Variants in PCSK2 observed in about 807,000 individuals in gnomAD.
PCSK2 encodes the protein neuroendocrine convertase 2.
PCSK2 carries 14 observed loss-of-function variants against 69.7 expected under a neutral mutation model. The observed-to-expected ratio is 0.20, with a 90% confidence interval of 0.13 to 0.31. PCSK2 has a LOEUF of 0.31. PCSK2 is among the 10% of genes least tolerant of loss of function. PCSK2 has a pLI of 1.00. For synonymous variants in PCSK2, 307 were observed against 320.7 expected (o/e 0.96, Z 0.46); for missense variants, 544 against 842.5 (o/e 0.65, Z 4.39).
chr20:17,479,153 A>G (rs2033343992), intron 11 of PCSK2: 2 of 1,376,392 alleles, frequency 1.5e-6, no homozygotes, highest in African/African-American at 1.4e-5. Context: ...CTTACGGTAC[A>G]GGTTCCATCA....
chr20:17,295,083 G>C (rs1199349602), intron 2 of PCSK2, among the ~76,000 whole-genome samples: 5 of 151,976 alleles, frequency 3.3e-5, no homozygotes, highest in Admixed American at 2.6e-4. Context: ...CCTATCTCTT[G>C]TTTTTCTCAT....
chr20:17,238,821 A>G (rs977487161), intron 1 of PCSK2, among the ~76,000 whole-genome samples: 9 of 152,204 alleles, frequency 5.9e-5, no homozygotes, highest in African/African-American at 2.2e-4. Context: ...ACCAACAACC[A>G]TTGGGTTTAC....
intron 2 of PCSK2, among the ~76,000 whole-genome samples, chr20:17,272,567 A>C (rs1453327456): frequency 6.6e-6 from 1 of 152,084 alleles, no homozygotes; most frequent in Non-Finnish European, 1.5e-5. Context: ...TCTCCTTTCC[A>C]CTTTCTTGTC....
intron 2 of PCSK2, among the ~76,000 whole-genome samples, chr20:17,275,084 CATAT>C (rs11474649): frequency 0.38 from 54,283 of 141,214 alleles, 10,777 homozygotes; most frequent in South Asian, 0.48. Context: ...ATTATTTATA[CATAT>C]ATATATATAT....
rs1046165174 is a variant in PCSK2 at position 17,439,169 on chromosome 20, T to C, written c.885+2286T>C. On this transcript the variant is annotated intron_variant, in intron 8 of 11. Transcript: ENST00000262545. ...TTTTTCTTTTGAGATAGGGTCTCAC[T>C]GCATCACCCAGGCTGGAGTGCAGTG... 3.1e-4 allele frequency among the ~76,000 whole-genome samples: 47 copies of C among 152,076 alleles called. 2 individuals are homozygous for C. Among genetic ancestry groups the C allele is most frequent in the Non-Finnish European group, 4.4e-5 (3 of 68,004 alleles).
chr20:17,433,965 ACT>A (rs2032430769), intron 7 of PCSK2, among the ~76,000 whole-genome samples: 1 of 54,886 alleles, frequency 1.8e-5, no homozygotes, highest in Admixed American at 2.4e-4. Context: ...TCTCTCCTAC[ACT>A]CTCCCTCTCT....
At chr20:17,235,460 T>A (rs2050235106) in intron 1 of PCSK2, among the ~76,000 whole-genome samples, 1 of 152,160 alleles carries the variant, frequency 6.6e-6, no homozygotes, top group African/African-American at 2.4e-5. Flanking sequence ...GCTCATTTTG[T>A]ATCAAAGGCA....
intron 7 of PCSK2, among the ~76,000 whole-genome samples, chr20:17,436,166 C>T (rs2032480735): frequency 6.6e-6 from 1 of 152,142 alleles, no homozygotes. Context: ...CTGTCCTCTC[C>T]GAAGTCCCTC....
chr20:17,330,750 G>T (rs1990186468), intron 2 of PCSK2, among the ~76,000 whole-genome samples: 1 of 152,166 alleles, frequency 6.6e-6, no homozygotes, highest in Admixed American at 6.5e-5. Flanking sequence ...CAGGTGGCCA[G>T]GTCTGAGGCT....
At chr20:17,434,557 C>T (rs1264555222) in intron 7 of PCSK2, among the ~76,000 whole-genome samples, 2 of 152,280 alleles carry the variant, frequency 1.3e-5, no homozygotes, top group East Asian at 1.9e-4. Flanking sequence ...AATACACATC[C>T]ACTCTGAGGT....
At chr20:17,331,062 G>A (rs1351292887) in intron 2 of PCSK2, among the ~76,000 whole-genome samples, 2 of 151,668 alleles carry the variant, frequency 1.3e-5, no homozygotes, top group African/African-American at 4.9e-5. Flanking sequence ...TCTCCACAGT[G>A]AGAATCAGTC....
intron 2 of PCSK2, among the ~76,000 whole-genome samples, chr20:17,338,163 AT>A (rs138403647): frequency 6.8e-4 from 36 of 52,892 alleles, no homozygotes; most frequent in African/African-American, 7.8e-4. Flanking sequence ...GAAACCTTAC[AT>A]TTTTTTTGGG....
intron 8 of PCSK2, among the ~76,000 whole-genome samples, chr20:17,438,861 A>G (rs2032539617): frequency 6.6e-6 from 1 of 152,234 alleles, no homozygotes; most frequent in Admixed American, 6.5e-5. Context: ...GGGCCAGGCC[A>G]AGGGAAAGCT....
intron 5 of PCSK2, among the ~76,000 whole-genome samples, chr20:17,375,795 G>T (rs978270772): frequency 1.3e-5 from 2 of 152,148 alleles, no homozygotes; most frequent in Non-Finnish European, 2.9e-5. Context: ...CACTTCATGA[G>T]CTTTTCCAAG....
chr20:17,230,821 G>A (rs1419365853), intron 1 of PCSK2, among the ~76,000 whole-genome samples: 2 of 152,060 alleles, frequency 1.3e-5, no homozygotes, highest in Non-Finnish European at 2.9e-5. Context: ...ACAAACATTT[G>A]TTTTCTCTCT....
At chr20:17,256,145 G>T (rs947784006) in intron 1 of PCSK2, among the ~76,000 whole-genome samples, 1 of 152,012 alleles carries the variant, frequency 6.6e-6, no homozygotes, top group African/African-American at 2.4e-5. Context: ...TGCTATTGAG[G>T]CTCTCTGATA....
intron 1 of PCSK2, among the ~76,000 whole-genome samples, chr20:17,241,108 TA>T (rs2122953972): frequency 6.6e-6 from 1 of 152,294 alleles, no homozygotes; most frequent in South Asian, 2.1e-4. Context: ...ATAGATTTAA[TA>T]TATAGTGCAT....
chr20:17,227,616 A>AG, intron 1 of PCSK2, 134 bp downstream of exon 1: 1 of 652,186 alleles, frequency 1.5e-6, no homozygotes, highest in South Asian at 2.0e-5. Flanking sequence ...TGGGCTCTTT[A>AG]ACACGATATT....
At position 17,438,065 on chromosome 20, in the gene PCSK2, G is replaced by A. The variant is rs191536511; in HGVS notation, c.885+1182G>A. Among the ~76,000 whole-genome samples the A allele has an allele frequency of 1.0e-3, 152 of 151,296 alleles. 1 individual carries two copies. The highest frequency in any genetic ancestry group is 7.6e-3 in the Admixed American group (115 of 15,206). ...GGACTCACACCACAAGGTCACTGCC[G>A]TGTGTGGAGTGAGTTGTCTGGTGTT... On this transcript the variant is annotated intron_variant, in intron 8 of 11. Coordinates refer to ENST00000262545, the MANE Select transcript of PCSK2 (RefSeq NM_002594.5).
Sources: allele counts gnomAD v4.1 joint callset (sites outside exome capture counted in the v4.1 genomes callset), GRCh38; gene constraint gnomAD v4.1.1; transcripts MANE v1.5; gene names NCBI Gene and HGNC (gene_info 2026-07-23, HGNC 2026-07-21).